MAGI1: variants seen among roughly 807,000 people sequenced by gnomAD.
The protein encoded by MAGI1 is membrane associated guanylate kinase, WW and PDZ domain containing 1, also known as membrane-associated guanylate kinase, WW and PDZ domain-containing protein 1.
In MAGI1, 58 loss-of-function variants were observed where a neutral mutation model predicts 139.9. The ratio of observed to expected loss-of-function variants is 0.41; its 90% CI spans 0.34 to 0.52. The LOEUF is 0.52. MAGI1 is among the 20% of genes least tolerant of loss of function. The probability of loss-of-function intolerance (pLI) is 0.12; values close to 1 mark genes in which losing one functional copy is unlikely to be tolerated. For missense variants in MAGI1, 1,874 were observed against 1,901.6 expected (o/e 0.99, Z 0.27); for synonymous variants, 812 against 737.9 (o/e 1.10, Z -1.63).
chr3:65,474,419 A>G (rs911881571), intron 4 of MAGI1, among the ~76,000 whole-genome samples: 2 of 152,196 alleles, frequency 1.3e-5, no homozygotes, highest in Admixed American at 6.5e-5. Context: ...TGGTTTTCCC[A>G]TTGTTCAGTG....
intron 1 of MAGI1, among the ~76,000 whole-genome samples, chr3:65,762,263 TCAGCTCCTTGAA>T (rs1369563738): frequency 6.6e-6 from 1 of 152,128 alleles, no homozygotes; most frequent in Non-Finnish European, 1.5e-5. Flanking sequence ...CACTAACAGT[TCAGCTCCTTGAA>T]CACCCATTTC....
intron 18 of MAGI1, among the ~76,000 whole-genome samples, chr3:65,370,628 T>C (rs567097551): frequency 7.9e-4 from 120 of 152,320 alleles, no homozygotes; most frequent in African/African-American, 2.7e-3. Context: ...AAAAGTTTTT[T>C]TTCCAGGGTA....
At chr3:66,008,100 T>G (rs1005626904) in intron 1 of MAGI1, among the ~76,000 whole-genome samples, 1 of 152,080 alleles carries the variant, frequency 6.6e-6, no homozygotes, top group African/African-American at 2.4e-5. Context: ...TTCCACCATG[T>G]TGGCCACGCT....
chr3:65,999,972 C>CTTTTT lies in MAGI1; in HGVS notation c.313+38019_313+38023dup, dbSNP rs3048011. ...TTAATCAGGTCTTGTTCCCCCCACG[C>CTTTTT]TTTTTTTTTTTTTTTTTTGATACGG... is the stretch of plus-strand genomic sequence containing the variant. On this transcript the variant is annotated intron_variant, in intron 1 of 22. Coordinates refer to ENST00000402939, the MANE Select transcript of MAGI1 (RefSeq NM_001033057.2). Among the ~76,000 whole-genome samples, 908 of 113,256 alleles carry CTTTTT rather than the reference C, an allele frequency of 8.0e-3. 63 individuals are homozygous for CTTTTT. Among genetic ancestry groups the CTTTTT allele is most frequent in the African/African-American group, 0.023 (659 of 29,100 alleles). 74.3% of individuals were successfully genotyped at this position (113,256 alleles called of 152,430 possible).
At chr3:65,780,916 G>T (rs2038878488) in intron 1 of MAGI1, among the ~76,000 whole-genome samples, 1 of 152,304 alleles carries the variant, frequency 6.6e-6, no homozygotes, top group South Asian at 2.1e-4. Context: ...TTTGCATATT[G>T]TATTTTTTAA....
intron 1 of MAGI1, among the ~76,000 whole-genome samples, chr3:65,975,988 G>C (rs554003495): frequency 1.3e-5 from 2 of 152,316 alleles, no homozygotes; most frequent in South Asian, 4.1e-4. Context: ...GAATGATGGA[G>C]AATCTCCATT....
intron 1 of MAGI1, among the ~76,000 whole-genome samples, chr3:65,709,308 C>T (rs2030960515): frequency 6.6e-6 from 1 of 152,192 alleles, no homozygotes; most frequent in Admixed American, 6.5e-5. Context: ...AACCTGCTAT[C>T]TCTTTTTTTT....
chr3:65,486,701 T>A (rs1360139968), intron 3 of MAGI1, among the ~76,000 whole-genome samples: 3 of 152,194 alleles, frequency 2.0e-5, no homozygotes, highest in Admixed American at 2.0e-4. Context: ...CAAACTCTAC[T>A]AATAACTTCT....
chr3:65,882,157 G>C (rs1038394708), intron 1 of MAGI1, among the ~76,000 whole-genome samples: 1 of 152,158 alleles, frequency 6.6e-6, no homozygotes, highest in Non-Finnish European at 1.5e-5. Flanking sequence ...CTGTGAGGTG[G>C]GTTGATGTGA....
chr3:65,845,353 C>T (rs150298539), intron 1 of MAGI1, among the ~76,000 whole-genome samples: 89 of 152,112 alleles, frequency 5.9e-4, no homozygotes, highest in Admixed American at 2.1e-3. Context: ...CCTGGAGTAA[C>T]GCTGAACTTG....
intron 14 of MAGI1, among the ~76,000 whole-genome samples, chr3:65,388,546 T>C (rs925066192): frequency 5.9e-5 from 9 of 152,070 alleles, no homozygotes; most frequent in Non-Finnish European, 7.4e-5. Context: ...AAATACTGAT[T>C]CAAAGACGAG....
intron 1 of MAGI1, among the ~76,000 whole-genome samples, chr3:65,779,029 T>C (rs2038716216): frequency 1.3e-5 from 2 of 152,104 alleles, no homozygotes; most frequent in South Asian, 2.1e-4. Flanking sequence ...CCCCAGACAA[T>C]GAATTATCCA....
At chr3:65,923,213 A>C (rs575436978) in intron 1 of MAGI1, among the ~76,000 whole-genome samples, 1 of 142,840 alleles carries the variant, frequency 7.0e-6, no homozygotes, top group Admixed American at 7.2e-5. Context: ...TTAAGCTTGC[A>C]TTCAACAGAC....
At chr3:65,805,004 T>C (rs1342942012) in intron 1 of MAGI1, among the ~76,000 whole-genome samples, 1 of 152,160 alleles carries the variant, frequency 6.6e-6, no homozygotes, top group Non-Finnish European at 1.5e-5. Flanking sequence ...ATCTAGGCAA[T>C]ATGATTCAGG....
intron 1 of MAGI1, among the ~76,000 whole-genome samples, chr3:65,760,207 T>C (rs1344241712): frequency 2.0e-5 from 3 of 151,856 alleles, no homozygotes; most frequent in African/African-American, 7.3e-5. Context: ...TCCAGCTCTA[T>C]GTCTAGCTCA....
chr3:65,427,860 C>T (rs933733099), intron 12 of MAGI1, among the ~76,000 whole-genome samples: 3 of 152,124 alleles, frequency 2.0e-5, no homozygotes, highest in African/African-American at 4.8e-5. Context: ...TTGTCATAAT[C>T]GTTCTTATAC....
chr3:65,702,843 CA>C (rs1469164811), intron 1 of MAGI1, among the ~76,000 whole-genome samples: 1 of 151,986 alleles, frequency 6.6e-6, no homozygotes, highest in Non-Finnish European at 1.5e-5. Context: ...GCACACTTAT[CA>C]CATAAATAAA....
At chr3:65,800,856 T>C (rs1013054990) in intron 1 of MAGI1, among the ~76,000 whole-genome samples, 2 of 152,222 alleles carry the variant, frequency 1.3e-5, no homozygotes, top group African/African-American at 4.8e-5. Context: ...CACAGTTTAT[T>C]GTTCCTGTTA....
intron 1 of MAGI1, among the ~76,000 whole-genome samples, chr3:65,817,665 A>G (rs2041690179): frequency 6.6e-6 from 1 of 152,226 alleles, no homozygotes; most frequent in Non-Finnish European, 1.5e-5. Context: ...TGACACTGAA[A>G]ATGTGTAAAA....
Sources: gnomAD v4.1 joint callset for allele counts (sites outside exome capture counted in the v4.1 genomes callset) on GRCh38, gnomAD v4.1.1 for gene constraint, MANE v1.5 for transcripts, NCBI Gene and HGNC (gene_info 2026-07-23, HGNC 2026-07-21) for gene names.